PIK3C2G: variants seen among roughly 807,000 people sequenced by gnomAD.
PIK3C2G encodes the protein phosphatidylinositol 3-kinase C2 domain-containing subunit gamma.
A neutral mutation model predicts 181.1 loss-of-function variants in PIK3C2G; 168 were observed. That is an observed-to-expected ratio of 0.93 (90% CI 0.82 to 1.05). The LOEUF (loss-of-function observed/expected upper bound fraction) is 1.05, where lower values mean the gene tolerates loss of function less well. Ranked by LOEUF, PIK3C2G falls within the 50% of genes least tolerant of loss-of-function variation. The probability of loss-of-function intolerance (pLI) is 0.00; values close to 1 mark genes in which losing one functional copy is unlikely to be tolerated. For synonymous variants in PIK3C2G, 573 were observed against 592.2 expected (o/e 0.97, Z 0.47); for missense variants, 1,869 against 1,732.8 (o/e 1.08, Z -1.40).
chr12:18,574,807 T>C (rs1031811035), intron 29 of PIK3C2G, among the ~76,000 whole-genome samples: 2 of 152,182 alleles, frequency 1.3e-5, no homozygotes, highest in African/African-American at 4.8e-5. Context: ...TTCAACAACA[T>C]TTCTTTTCCA....
chr12:18,412,403 T>C (rs1944912940), intron 16 of PIK3C2G, among the ~76,000 whole-genome samples: 1 of 152,142 alleles, frequency 6.6e-6, no homozygotes, highest in Admixed American at 6.5e-5. Flanking sequence ...TCACACTCAT[T>C]TGCTCATGAC....
intron 18 of PIK3C2G, among the ~76,000 whole-genome samples, chr12:18,433,026 T>G (rs1327162327): frequency 1.3e-5 from 2 of 152,034 alleles, no homozygotes; most frequent in African/African-American, 2.4e-5. Flanking sequence ...AAAACCATAT[T>G]GAAAATTGAG....
At chr12:18,421,375 G>A (rs181186373) in intron 17 of PIK3C2G, among the ~76,000 whole-genome samples, 13 of 151,920 alleles carry the variant, frequency 8.6e-5, no homozygotes, top group African/African-American at 2.7e-4. Flanking sequence ...CATTTGCTAG[G>A]CAGGTTTTCA....
At chr12:18,324,367 A>C (rs1461382247) in intron 7 of PIK3C2G, among the ~76,000 whole-genome samples, 1 of 151,572 alleles carries the variant, frequency 6.6e-6, no homozygotes, top group Non-Finnish European at 1.5e-5. Flanking sequence ...GAATGCAGCT[A>C]CTGTAAAAAT....
At chr12:18,682,812 G>C in the PIK3C2G span, among the ~76,000 whole-genome samples, 2 of 151,978 alleles carry the variant, frequency 1.3e-5, no homozygotes, top group African/African-American at 4.8e-5. Flanking sequence ...CAGAGGGCCT[G>C]GCAATCTAAT....
At chr12:18,647,504 AATG>A (rs1313510825) in intron 32 of PIK3C2G, among the ~76,000 whole-genome samples, 3 of 152,252 alleles carry the variant, frequency 2.0e-5, no homozygotes, top group East Asian at 3.9e-4. Flanking sequence ...AACACAGAAG[AATG>A]ATGTTCTCTT....
At chr12:18,535,947 A>T (rs1402809998) in intron 24 of PIK3C2G, among the ~76,000 whole-genome samples, 1 of 130,130 alleles carries the variant, frequency 7.7e-6, no homozygotes, top group Non-Finnish European at 1.6e-5. Context: ...ATCACACACC[A>T]GGGCCTGCTG....
At chr12:18,580,573 C>T (rs771771832) in intron 29 of PIK3C2G, among the ~76,000 whole-genome samples, 7 of 152,146 alleles carry the variant, frequency 4.6e-5, no homozygotes, top group African/African-American at 7.2e-5. Flanking sequence ...TGTGTACCAT[C>T]AGTAAAGCCA....
chr12:18,452,068 G>A (rs1276186072), intron 18 of PIK3C2G, among the ~76,000 whole-genome samples: 1 of 152,192 alleles, frequency 6.6e-6, no homozygotes, highest in Non-Finnish European at 1.5e-5. Context: ...TTTGGTATCA[G>A]CATGATGCTG....
At chr12:18,443,455 G>T (rs1946855875) in intron 18 of PIK3C2G, among the ~76,000 whole-genome samples, 2 of 151,012 alleles carry the variant, frequency 1.3e-5, no homozygotes, top group Admixed American at 1.3e-4. Context: ...TGGCTTTAAA[G>T]TTTTTTTTTC....
chr12:18,716,811 A>G, the PIK3C2G span, among the ~76,000 whole-genome samples: 1 of 152,172 alleles, frequency 6.6e-6, no homozygotes, highest in Non-Finnish European at 1.5e-5. Context: ...TAATGTTACT[A>G]TTTTCTATTT....
At chr12:18,509,997 C>T (rs1363366830) in intron 24 of PIK3C2G, among the ~76,000 whole-genome samples, 1 of 152,086 alleles carries the variant, frequency 6.6e-6, no homozygotes, top group East Asian at 1.9e-4. Flanking sequence ...GGGACATGGT[C>T]TCACTCTGTC....
the PIK3C2G span, among the ~76,000 whole-genome samples, chr12:18,710,528 A>G: frequency 6.6e-6 from 1 of 152,006 alleles, no homozygotes; most frequent in African/African-American, 2.4e-5. Flanking sequence ...GAAGGCTTTG[A>G]GAAGGGGAAT....
chr12:18,283,279 T>C (rs1412997531), intron 2 of PIK3C2G, among the ~76,000 whole-genome samples: 1 of 152,134 alleles, frequency 6.6e-6, no homozygotes. Context: ...AAGTATTCAT[T>C]GTGTGACTCA....
intron 18 of PIK3C2G, among the ~76,000 whole-genome samples, chr12:18,431,930 T>A (rs1485729696): frequency 6.6e-6 from 1 of 152,152 alleles, no homozygotes. Flanking sequence ...CTGTTCTCTA[T>A]CCCAACCAAC....
chr12:18,300,206 A>G (rs1292368643), intron 5 of PIK3C2G, among the ~76,000 whole-genome samples: 1 of 151,838 alleles, frequency 6.6e-6, no homozygotes, highest in African/African-American at 2.4e-5. Flanking sequence ...ATTCAGTCTT[A>G]TTTATTACTC....
chr12:18,362,936 C>A, intron 12 of PIK3C2G, 50 bp downstream of exon 12: 1 of 1,338,886 alleles, frequency 7.5e-7, no homozygotes, highest in Non-Finnish European at 9.8e-7. Flanking sequence ...TAAATGTCAG[C>A]TTTTTCCCCC....
intron 9 of PIK3C2G, among the ~76,000 whole-genome samples, chr12:18,338,956 C>T (rs974736900): frequency 6.6e-6 from 1 of 151,788 alleles, no homozygotes; most frequent in African/African-American, 2.4e-5. Context: ...TGTATACAGG[C>T]ATTAAGTGTC....
intron 29 of PIK3C2G, among the ~76,000 whole-genome samples, chr12:18,590,099 A>G (rs1236141397): frequency 1.3e-5 from 2 of 150,502 alleles, no homozygotes; most frequent in East Asian, 1.9e-4. Flanking sequence ...TTTATAGTAT[A>G]CAGTAGTTAA....
Sources: gnomAD v4.1 joint callset for allele counts (sites outside exome capture counted in the v4.1 genomes callset) on GRCh38, gnomAD v4.1.1 for gene constraint, MANE v1.5 for transcripts, NCBI Gene and HGNC (gene_info 2026-07-23, HGNC 2026-07-21) for gene names.